The following LEPR variants were observed in gnomAD, a reference collection of about 807,000 sequenced individuals.
LEPR encodes the protein leptin receptor, also known as OB receptor.
Under a neutral mutation model 114.7 loss-of-function variants are expected in LEPR, and 56 were observed. That is an observed-to-expected ratio of 0.49 (90% CI 0.39 to 0.61). LEPR has a LOEUF of 0.61. LEPR is among the 20% of genes least tolerant of loss of function. The probability of loss-of-function intolerance (pLI) is 0.00; values close to 1 mark genes in which losing one functional copy is unlikely to be tolerated. For missense variants in LEPR, 1,202 were observed against 1,352.9 expected, an observed-to-expected ratio of 0.89 and a Z score of 1.75; for synonymous variants, 443 against 461.4, an observed-to-expected ratio of 0.96 and a Z score of 0.51.
chr1:65,518,907 T>TTCTTTCTTTCTTTC (rs1557636310), intron 2 of LEPR, among the ~76,000 whole-genome samples: 517 of 119,064 alleles, frequency 4.3e-3, no homozygotes, highest in African/African-American at 5.2e-3. Flanking sequence ...CTTTCTTTCT[T>TTCTTTCTTTCTTTC]TCTTTCTTTC....
At chr1:65,503,847 G>A (rs1648588156) in intron 2 of LEPR, among the ~76,000 whole-genome samples, 1 of 151,462 alleles carries the variant, frequency 6.6e-6, no homozygotes, top group African/African-American at 2.4e-5. Context: ...TGCTCTGTCA[G>A]CTGAAGAGGT....
chr1:65,443,850 A>T (rs1646679563), intron 2 of LEPR, among the ~76,000 whole-genome samples: 1 of 152,132 alleles, frequency 6.6e-6, no homozygotes, highest in Admixed American at 6.5e-5. Flanking sequence ...GGAAATCTGC[A>T]TTGGTGAGGT....
At chr1:65,472,836 G>A (rs2100420591) in intron 2 of LEPR, among the ~76,000 whole-genome samples, 1 of 152,242 alleles carries the variant, frequency 6.6e-6, no homozygotes, top group East Asian at 1.9e-4. Flanking sequence ...CTGCTGGTTG[G>A]TTAGTACATT....
intron 5 of LEPR, among the ~76,000 whole-genome samples, chr1:65,575,035 G>T (rs1354498301): frequency 1.3e-5 from 2 of 152,076 alleles, no homozygotes; most frequent in Admixed American, 1.3e-4. Context: ...TATATCCAAG[G>T]CATACTATGG....
At chr1:65,431,128 TACA>T (rs1285955303) in intron 2 of LEPR, among the ~76,000 whole-genome samples, 1 of 152,224 alleles carries the variant, frequency 6.6e-6, no homozygotes, top group Non-Finnish European at 1.5e-5. Flanking sequence ...GGTTTTTGAA[TACA>T]ACAAGATTGT....
chr1:65,566,786 G>A (rs943385575), intron 3 of LEPR, among the ~76,000 whole-genome samples: 4 of 152,152 alleles, frequency 2.6e-5, no homozygotes, highest in South Asian at 2.1e-4. Flanking sequence ...GCTCTTCTAA[G>A]CTTCCCTATA....
rs767096548 is a variant in LEPR at position 65,616,205 on chromosome 1, T to C, written c.2193T>C (p.Phe731=). ...CTGTTGCAAATTTTAATTTAACCTT[T>C]TCATGGCCTATGAGCAAAGGTAAGA... ...GASVANFNLT[F]SWPMSKVNIV... Residue 731 remains phenylalanine (F), a synonymous_variant, in exon 15 of 20, where the codon TTT becomes TTC. Transcript: ENST00000349533. The C allele has an allele frequency of 8.1e-6, 13 of 1,613,894 alleles. No homozygotes were observed. The highest frequency in any genetic ancestry group is 7.7e-5 in the South Asian group (7 of 91,084).
At chr1:65,423,840 A>T (rs975389105) in intron 1 of LEPR, among the ~76,000 whole-genome samples, 1 of 152,230 alleles carries the variant, frequency 6.6e-6, no homozygotes, top group African/African-American at 2.4e-5. Context: ...TTTGGATAAG[A>T]TAGTCTCCTA....
At chr1:65,550,472 G>A (rs1344652464) in intron 2 of LEPR, among the ~76,000 whole-genome samples, 5 of 152,242 alleles carry the variant, frequency 3.3e-5, no homozygotes, top group Non-Finnish European at 7.3e-5. Context: ...GCTCCACCCA[G>A]TTCGAGCTTC....
At chr1:65,456,443 A>C (rs1376540393) in intron 2 of LEPR, among the ~76,000 whole-genome samples, 1 of 152,088 alleles carries the variant, frequency 6.6e-6, no homozygotes, top group Admixed American at 6.5e-5. Context: ...TCATGGATTC[A>C]TCTATTTCTC....
intron 2 of LEPR, among the ~76,000 whole-genome samples, chr1:65,458,533 G>A (rs766527118): frequency 2.0e-5 from 3 of 152,042 alleles, no homozygotes; most frequent in Non-Finnish European, 4.4e-5. Flanking sequence ...GAATTCCAAC[G>A]TAATACTTAT....
chr1:65,637,298 G>A lies in LEPR; in HGVS notation c.*283G>A, dbSNP rs1658751488. On this transcript the variant is annotated 3_prime_UTR_variant, in exon 20 of 20. Transcript: ENST00000349533. ...ATAAGCCCAACAGACACCATCTTTT[G>A]TGAGATGTAATTGTTTTTTCAGAGG... 1.9e-5 allele frequency: 6 copies of A among 307,736 alleles called. No individual in the cohort carries two copies. The highest frequency in any genetic ancestry group is 1.3e-4 in the African/African-American group (6 of 46,886). The allele number at this position is 307,736 out of a possible 1,614,324, so 19.1% of individuals were successfully genotyped here. A position where few individuals can be genotyped will look rare whatever the true frequency, so the allele number is the denominator to read the frequency against.
At position 65,440,319 on chromosome 1, in the gene LEPR, T is replaced by C. The variant is rs547774216; in HGVS notation, c.-21+14941T>C. Among the ~76,000 whole-genome samples the C allele has an allele frequency of 5.3e-5, 8 of 151,576 alleles. No individual in the cohort carries two copies. In the South Asian group the frequency reaches 1.7e-3, roughly 32 times the overall value. On this transcript the variant is annotated intron_variant, in intron 2 of 19. Transcript: ENST00000349533. Reference sequence around the variant, plus strand: ...ATTCTAGGTGCTGGAGATAGAACAGTAAATAAAACAGACAAAACCCCCAGC... The same window carrying C: ...ATTCTAGGTGCTGGAGATAGAACAGCAAATAAAACAGACAAAACCCCCAGC...
chr1:65,539,747 T>G (rs1195996119), intron 2 of LEPR, among the ~76,000 whole-genome samples: 2 of 152,168 alleles, frequency 1.3e-5, no homozygotes, highest in Non-Finnish European at 2.9e-5. Flanking sequence ...CTCCATCAGT[T>G]AGAGGCATTT....
intron 2 of LEPR, among the ~76,000 whole-genome samples, chr1:65,446,985 C>T (rs1646721552): frequency 6.6e-6 from 1 of 152,086 alleles, no homozygotes; most frequent in Non-Finnish European, 1.5e-5. Context: ...GTGCCCACCA[C>T]CATGCCTGGC....
intron 2 of LEPR, among the ~76,000 whole-genome samples, chr1:65,535,942 TC>T (rs1650744258): frequency 6.6e-6 from 1 of 152,156 alleles, no homozygotes; most frequent in Non-Finnish European, 1.5e-5. Context: ...TTTTATAATT[TC>T]CCAATCATAA....
At chr1:65,520,605 A>G (rs1649583654) in intron 2 of LEPR, among the ~76,000 whole-genome samples, 1 of 152,152 alleles carries the variant, frequency 6.6e-6, no homozygotes, top group South Asian at 2.1e-4. Context: ...GGGAGACCCT[A>G]ACCCAGCGGC....
intron 2 of LEPR, among the ~76,000 whole-genome samples, chr1:65,518,867 CTTTCTTTT>C (rs1184243425): frequency 1.4e-5 from 2 of 140,246 alleles, no homozygotes; most frequent in African/African-American, 5.4e-5. Context: ...TTCTTTCTTT[CTTTCTTTT>C]TCTTTCTTTC....
At position 65,478,343 on chromosome 1, in the gene LEPR, T is replaced by C. The variant is rs575071806; in HGVS notation, c.-21+52965T>C. ...AATATGGGAATCACAATGAAAACTG[T>C]AAAATTATATTACATCTAAAAGGCT... On this transcript the variant is annotated intron_variant, in intron 2 of 19. Coordinates refer to ENST00000349533, the MANE Select transcript of LEPR (RefSeq NM_002303.6). Among the ~76,000 whole-genome samples the C allele has an allele frequency of 4.6e-5, 7 of 152,298 alleles. No homozygotes were observed. In the South Asian group the frequency reaches 1.5e-3, roughly 32 times the overall value.
Sources: allele counts gnomAD v4.1 joint callset (sites outside exome capture counted in the v4.1 genomes callset), GRCh38; gene constraint gnomAD v4.1.1; transcripts MANE v1.5; gene names NCBI Gene and HGNC (gene_info 2026-07-23, HGNC 2026-07-21).